The following KLHL29 variants were observed in gnomAD, a reference collection of about 807,000 sequenced individuals.
The protein encoded by KLHL29 is kelch-like protein 29.
In KLHL29, 21 loss-of-function variants were observed where a neutral mutation model predicts 80.4. The observed-to-expected ratio is 0.26, with a 90% confidence interval of 0.19 to 0.38. The LOEUF is 0.38. Among genes scored for constraint, KLHL29 ranks in the 10% least tolerant of loss-of-function variants. The pLI, the probability that KLHL29 is intolerant of heterozygous loss-of-function variation, is 1.00. For synonymous variants in KLHL29, 511 were observed against 526.8 expected, an observed-to-expected ratio of 0.97 and a Z score of 0.41; for missense variants, 867 against 1,223.9, an observed-to-expected ratio of 0.71 and a Z score of 4.35.
At position 23,420,455 on chromosome 2, in the gene KLHL29, T is replaced by A. The variant is rs1662766986; in HGVS notation, c.-154+34675T>A. 2.0e-5 allele frequency among the ~76,000 whole-genome samples: 3 copies of A among 152,186 alleles called. No homozygotes were observed. In the South Asian group the frequency reaches 6.2e-4, roughly 32 times the overall value. On this transcript the variant is annotated intron_variant, in intron 1 of 13. Coordinates refer to ENST00000486442, the MANE Select transcript of KLHL29 (RefSeq NM_052920.2). ...CCCACAGGAACACAGGCCCGCTGGC[T>A]CCCGAGACCGGGCTGTCTGGAGTCC...
intron 3 of KLHL29, among the ~76,000 whole-genome samples, chr2:23,618,302 C>T (rs927828480): frequency 2.0e-5 from 3 of 152,152 alleles, no homozygotes; most frequent in African/African-American, 7.2e-5. Context: ...TTGACCAGGC[C>T]ACAAGGTGCC....
At chr2:23,606,189 G>GCAGA (rs1668720868) in intron 3 of KLHL29, among the ~76,000 whole-genome samples, 2 of 140,746 alleles carry the variant, frequency 1.4e-5, no homozygotes, top group African/African-American at 5.4e-5. Flanking sequence ...AGAGAGAGAG[G>GCAGA]GAGAGAGAGA....
At chr2:23,522,687 A>G (rs1377273961) in intron 2 of KLHL29, among the ~76,000 whole-genome samples, 3 of 152,114 alleles carry the variant, frequency 2.0e-5, no homozygotes, top group South Asian at 2.1e-4. Flanking sequence ...GGGGAAACCC[A>G]TGGCTCAGTC....
intron 5 of KLHL29, among the ~76,000 whole-genome samples, chr2:23,674,626 C>T (rs572975413): frequency 6.6e-6 from 1 of 152,298 alleles, no homozygotes; most frequent in African/African-American, 2.4e-5. Flanking sequence ...ACACTGTAGA[C>T]AAAACACAGT....
Position 23,631,906 on chromosome 2 carries a change from T to G in KLHL29, c.286-7233T>G, listed in dbSNP as rs146837716. Among the ~76,000 whole-genome samples, 47 of 152,210 alleles carry G rather than the reference T, an allele frequency of 3.1e-4. No homozygotes were observed. The East Asian group carries it at 7.3e-3, about 24-fold the overall frequency. On this transcript the variant is annotated intron_variant, in intron 3 of 13. Transcript: ENST00000486442. ...GGTCCTGATGAGCAGCATCAACCCC[T>G]CAGTCCCCACGCACAGGCCCAAGAA...
intron 2 of KLHL29, among the ~76,000 whole-genome samples, chr2:23,539,401 T>G (rs1311943589): frequency 1.3e-5 from 2 of 150,996 alleles, no homozygotes; most frequent in Admixed American, 1.3e-4. Flanking sequence ...CCTAGCAGAC[T>G]GATGATGCTT....
chr2:23,507,544 C>T (rs905481478), intron 2 of KLHL29, among the ~76,000 whole-genome samples: 2 of 152,180 alleles, frequency 1.3e-5, no homozygotes, highest in Non-Finnish European at 2.9e-5. Flanking sequence ...CTCACCTACC[C>T]TGACTTTGTA....
At chr2:23,450,184 G>A (rs770812091) in intron 1 of KLHL29, among the ~76,000 whole-genome samples, 4 of 151,984 alleles carry the variant, frequency 2.6e-5, no homozygotes, top group South Asian at 2.1e-4. Flanking sequence ...CGGCAGCACC[G>A]GCCTTGTTGG....
intron 5 of KLHL29, among the ~76,000 whole-genome samples, chr2:23,679,645 G>C (rs1334503643): frequency 7.0e-6 from 1 of 143,316 alleles, no homozygotes; most frequent in Admixed American, 6.9e-5. Context: ...CCTGTGCTGA[G>C]TGTCGAAGAT....
Position 23,408,389 on chromosome 2 carries a change from T to A in KLHL29, c.-154+22609T>A, listed in dbSNP as rs559568831. ...AGAATTGACATTTGGACTACATTAT[T>A]GAGTCTTCTCATTCAGGAATGTGCT... On this transcript the variant is annotated intron_variant, in intron 1 of 13. Coordinates refer to ENST00000486442, the MANE Select transcript of KLHL29 (RefSeq NM_052920.2). Among the ~76,000 whole-genome samples, 91 of 151,896 alleles carry A rather than the reference T, an allele frequency of 6.0e-4. No homozygotes were observed. The South Asian group carries it at 0.015, about 25-fold the overall frequency.
intron 5 of KLHL29, among the ~76,000 whole-genome samples, chr2:23,662,955 G>A (rs1340930368): frequency 1.3e-5 from 2 of 152,194 alleles, no homozygotes; most frequent in Non-Finnish European, 2.9e-5. Flanking sequence ...TCGCTGTGTG[G>A]CCTGGGACCA....
intron 5 of KLHL29, among the ~76,000 whole-genome samples, chr2:23,666,887 C>T (rs1257260587): frequency 1.3e-5 from 2 of 152,254 alleles, no homozygotes; most frequent in African/African-American, 4.8e-5. Flanking sequence ...GGGCCCTTCT[C>T]TCTGTGCCCA....
chr2:23,497,144 G>A (rs35570160), intron 2 of KLHL29, among the ~76,000 whole-genome samples: 3,208 of 152,242 alleles, frequency 0.021, 52 homozygotes, highest in Non-Finnish European at 0.035. Flanking sequence ...GTTTCTGTTG[G>A]CATGAGATTT....
intron 3 of KLHL29, among the ~76,000 whole-genome samples, chr2:23,632,961 G>T (rs1009123294): frequency 7.1e-6 from 1 of 141,222 alleles, no homozygotes; most frequent in African/African-American, 2.5e-5. Flanking sequence ...GTTTTCTGAT[G>T]TAGGGAGTTC....
intron 2 of KLHL29, among the ~76,000 whole-genome samples, chr2:23,519,090 C>T (rs1034448341): frequency 1.1e-4 from 16 of 152,190 alleles, no homozygotes; most frequent in African/African-American, 3.9e-4. Context: ...CCCTGGAATG[C>T]ACTTTCCAGT....
At chr2:23,458,715 G>C (rs1273591010) in intron 1 of KLHL29, among the ~76,000 whole-genome samples, 1 of 152,174 alleles carries the variant, frequency 6.6e-6, no homozygotes, top group East Asian at 1.9e-4. Flanking sequence ...AGAGGAACCA[G>C]CATGTGGAAA....
Position 23,703,704 on chromosome 2 carries a change from C to G in KLHL29, c.2300-15C>G. 6.5e-7 allele frequency: 1 copy of G among 1,531,868 alleles called. No homozygotes were observed. Among genetic ancestry groups the G allele is most frequent in the Non-Finnish European group, 8.7e-7 (1 of 1,144,272 alleles). The allele number at this position is 1,531,868 out of a possible 1,614,324, so 94.9% of individuals were successfully genotyped here. A position where few individuals can be genotyped will look rare whatever the true frequency, so the allele number is the denominator to read the frequency against. ...GACAAGCTGCCGTGACCTGCCTGCT[C>G]TGCTCTCCTCACAGACAACAAGTAT... On this transcript the variant is annotated splice_polypyrimidine_tract_variant and intron_variant, in intron 12 of 13. Transcript: ENST00000486442.
At chr2:23,474,097 TATG>T (rs762901760) in intron 1 of KLHL29, among the ~76,000 whole-genome samples, 50 of 152,292 alleles carry the variant, frequency 3.3e-4, no homozygotes, top group Non-Finnish European at 6.2e-4. Context: ...CCTTCCAAAA[TATG>T]ATACAATTTT....
intron 3 of KLHL29, among the ~76,000 whole-genome samples, chr2:23,612,585 T>C (rs1008686551): frequency 2.6e-5 from 4 of 151,888 alleles, no homozygotes; most frequent in African/African-American, 9.7e-5. Flanking sequence ...CTACTAAAAA[T>C]ACAAAAATTA....
Sources: allele counts gnomAD v4.1 joint callset (sites outside exome capture counted in the v4.1 genomes callset), GRCh38; gene constraint gnomAD v4.1.1; transcripts MANE v1.5; gene names NCBI Gene and HGNC (gene_info 2026-07-23, HGNC 2026-07-21).